Variants in MYO7B observed in about 807,000 individuals in gnomAD.
MYO7B encodes myosin VIIB.
MYO7B carries 212 observed loss-of-function variants against 259.7 expected under a neutral mutation model. That is an observed-to-expected ratio of 0.82 (90% confidence interval 0.73 to 0.91). The LOEUF is 0.91. MYO7B is among the 40% of genes least tolerant of loss of function. The pLI is 0.00. For missense variants in MYO7B, 2,732 were observed against 2,813.5 expected (o/e 0.97, Z 0.66); for synonymous variants, 1,197 against 1,166.4 (o/e 1.03, Z -0.54).
At chr2:127,551,272 G>A (rs1257564808) in intron 1 of MYO7B, among the ~76,000 whole-genome samples, 2 of 152,156 alleles carry the variant, frequency 1.3e-5, no homozygotes, top group African/African-American at 2.4e-5. Flanking sequence ...ATCCTAATCT[G>A]TTGTTGACTA....
intron 39 of MYO7B, 83 bp from the exon 40 acceptor site, chr2:127,633,174 AT>A (rs1328922228): frequency 6.6e-6 from 7 of 1,057,546 alleles, no homozygotes; most frequent in Non-Finnish European, 9.8e-6. Context: ...TTTCTGGCAC[AT>A]GGTTTAGGGC....
At position 127,611,792 on chromosome 2, in the gene MYO7B, C is replaced by T. The variant is rs142115672; in HGVS notation, c.3193-458C>T. ...TCCCTCCTACCTGGCCTCTCAACCCCGGCTCTTCGGATCCCCTGCAGAGCA... is the reference window on the plus strand; with the variant it reads ...TCCCTCCTACCTGGCCTCTCAACCCTGGCTCTTCGGATCCCCTGCAGAGCA... On this transcript the variant is annotated intron_variant, in intron 24 of 47. Transcript: ENST00000409816. The surrounding 1 kb of genome is among the most constrained non-coding windows in gnomAD (Gnocchi z 5.4). 3.3e-3 allele frequency among the ~76,000 whole-genome samples: 500 copies of T among 152,276 alleles called. 2 individuals carry two copies. The highest frequency in any genetic ancestry group is 0.011 in the African/African-American group (447 of 41,564).
At position 127,636,473 on chromosome 2, in the gene MYO7B, C is replaced by T; in HGVS notation, c.6124-72C>T. The T allele has an allele frequency of 6.7e-7, 1 of 1,494,350 alleles. No homozygotes were observed. 92.6% of individuals were successfully genotyped at this position (1,494,350 alleles called of 1,614,324 possible). A position where few individuals can be genotyped will look rare whatever the true frequency, so the allele number is the denominator to read the frequency against. The stretch of plus-strand genomic sequence containing the variant: ...GTGTATGTGTGTATGTGCGTGTGGC[C>T]TAGATGAGCTCCTGGGAGGTGCAGC... On this transcript the variant is annotated intron_variant, in intron 45 of 47. Coordinates refer to ENST00000409816, the MANE Select transcript of MYO7B (RefSeq NM_001393586.1). The surrounding 1 kb of genome is among the most constrained non-coding windows in gnomAD (Gnocchi z 4.5).
chr2:127,635,125 C>T lies in MYO7B; in HGVS notation c.5719C>T (p.Pro1907Ser). Residue 1907 changes from proline to serine, a missense_variant, in exon 43 of 48, where the codon CCC (proline) becomes TCC (serine). By Grantham distance (74) the Pro-to-Ser change is moderately conservative. Coordinates refer to ENST00000409816, the MANE Select transcript of MYO7B (RefSeq NM_001393586.1). ...KKNKPQKEGAPVTLPYQVYFM... is the reference protein window; with the variant it reads ...KKNKPQKEGASVTLPYQVYFM... ...CACTGCTGGCCCTCGCCCAGGGGCCCCCGTGACGCTCCCCTACCAGGTGTA... is the reference window on the plus strand; with the variant it reads ...CACTGCTGGCCCTCGCCCAGGGGCCTCCGTGACGCTCCCCTACCAGGTGTA... 9.9e-6 allele frequency: 16 copies of T among 1,611,962 alleles called. No homozygotes were observed. The highest frequency in any genetic ancestry group is 1.3e-5 in the Non-Finnish European group (15 of 1,179,238).
chr2:127,622,118 G>A lies in MYO7B; in HGVS notation c.3645+17G>A, dbSNP rs1474358075. On this transcript the variant is annotated intron_variant, in intron 28 of 47. Transcript: ENST00000409816. ...GAGCTGCAGGTAGGGGCTGGCAGGG[G>A]TGAGAGCGGGCAGGGTGGGGTGGTG... The A allele has an allele frequency of 3.9e-6, 6 of 1,545,754 alleles. No homozygotes were observed. The highest frequency in any genetic ancestry group is 3.9e-5 in the Admixed American group (2 of 50,768).
At chr2:127,617,957 TTTGCTAGTCC>T (rs1361665148) in intron 26 of MYO7B, among the ~76,000 whole-genome samples, 30 of 152,124 alleles carry the variant, frequency 2.0e-4, no homozygotes, top group South Asian at 4.2e-4. Flanking sequence ...TCTCCTAGTC[TTTGCTAGTCC>T]TTGCTAGTCT....
chr2:127,617,648 G>A (rs1383072095), intron 26 of MYO7B, among the ~76,000 whole-genome samples: 1 of 150,144 alleles, frequency 6.7e-6, no homozygotes, highest in Non-Finnish European at 1.5e-5. Context: ...GACTACAGGC[G>A]CCCGCCACCG....
rs779728741 is a variant in MYO7B, at chr2:127,623,231, C to G, written c.3675C>G (p.Ile1225Met). The G allele has an allele frequency of 1.2e-6, 2 of 1,613,654 alleles. No homozygotes were observed. Among genetic ancestry groups the G allele is most frequent in the South Asian group, 2.2e-5 (2 of 91,086 alleles). Residue 1225 changes from isoleucine to methionine, a missense_variant, in exon 29 of 48, where the codon ATC becomes ATG. Physicochemically the swap from Ile to Met is conservative, Grantham distance 10. This residue lies in a region of MYO7B where 1,906 missense variants were observed against 2,026.4 expected (regional missense o/e 0.94). Transcript: ENST00000409816. The stretch of plus-strand genomic sequence containing the variant: ...TCAAGTCCAAGAAGCACATCCCCAT[C>G]CAAGTCATCTTGGCCACTGGAGAGA... ...QAVKSKKHIP[I>M]QVILATGESL...
At chr2:127,633,113 C>T (rs1047069393) in intron 39 of MYO7B, 145 bp from the exon 40 acceptor site, 18 of 634,528 alleles carry the variant, frequency 2.8e-5, no homozygotes, top group African/African-American at 2.2e-4. Flanking sequence ...GCCCCCAGGA[C>T]ATGCGAGGGG....
rs548314152 is a variant in MYO7B at position 127,624,170 on chromosome 2, C to T, written c.3897C>T (p.Gly1299=). The change falls in exon 30 of 48, where the codon GGC becomes GGT. Residue 1299 remains glycine (G), a synonymous_variant. Transcript: ENST00000409816. Reference sequence around the variant, plus strand: ...GTGAGCAGATGGCCCAGGAGAGGGGCGAGAGCCAGCGCCAGTCACCCTGGC... The same window carrying T: ...GTGAGCAGATGGCCCAGGAGAGGGGTGAGAGCCAGCGCCAGTCACCCTGGC... The part of the protein sequence containing the change: ...ARCEQMAQER[G]ESQRQSPWRI... 8.1e-6 allele frequency: 13 copies of T among 1,596,502 alleles called. No individual in the cohort carries two copies. Among genetic ancestry groups the T allele is most frequent in the South Asian group, 4.5e-5 (4 of 87,922 alleles).
intron 1 of MYO7B, among the ~76,000 whole-genome samples, chr2:127,536,932 C>G (rs1222788065): frequency 6.6e-6 from 1 of 152,210 alleles, no homozygotes; most frequent in Non-Finnish European, 1.5e-5. Context: ...GCATCCACAG[C>G]TCTAGCACGG....
rs1312305508 is a variant in MYO7B at position 127,605,297 on chromosome 2, T to TA, written c.2340-540dup. Among the ~76,000 whole-genome samples the TA allele has an allele frequency of 1.3e-5, 2 of 152,092 alleles. 1 individual carries two copies. The highest frequency in any genetic ancestry group is 4.8e-5 in the African/African-American group (2 of 41,410). The stretch of plus-strand genomic sequence containing the variant: ...AATGAGGGAGAATTTTCTGATAACT[T>TA]AAAAAAACTGGACTGTTGGCTGGAC... On this transcript the variant is annotated intron_variant, in intron 19 of 47. Transcript: ENST00000409816.
In MYO7B at chr2:127,596,179, T is replaced by C. The variant is rs559248504; in HGVS notation, c.2245-283T>C. Among the ~76,000 whole-genome samples, 4 of 152,244 alleles carry C rather than the reference T, an allele frequency of 2.6e-5. No individual in the cohort carries two copies. In the South Asian group the frequency reaches 8.3e-4, roughly 32 times the overall value. ...GAAATAAAACACAACTTCAGGAAAATTTTGTGCCCCCTCTTGAATTCTTCA... is the reference window on the plus strand; with the variant it reads ...GAAATAAAACACAACTTCAGGAAAACTTTGTGCCCCCTCTTGAATTCTTCA... On this transcript the variant is annotated intron_variant, in intron 18 of 47. Transcript: ENST00000409816.
At position 127,614,489 on chromosome 2, in the gene MYO7B, A is replaced by G. The variant is rs1056175399; in HGVS notation, c.3398+1886A>G. Among the ~76,000 whole-genome samples, 2 of 152,142 alleles carry G rather than the reference A, an allele frequency of 1.3e-5. No homozygotes were observed. Among genetic ancestry groups the G allele is most frequent in the African/African-American group, 4.8e-5 (2 of 41,426 alleles). On this transcript the variant is annotated intron_variant, in intron 26 of 47. Coordinates refer to ENST00000409816, the MANE Select transcript of MYO7B (RefSeq NM_001393586.1). This position sits in a 1 kb window ranked among gnomAD's most constrained non-coding sequence, Gnocchi z 4.6. ...CATCAGGATGGGCTCAGAATTCTCC[A>G]GGAACAAGCAGGCGCTAATGTCTTT...
intron 14 of MYO7B, among the ~76,000 whole-genome samples, 155 bp from the exon 15 acceptor site, chr2:127,588,237 C>G (rs1679377947): frequency 6.6e-6 from 1 of 152,008 alleles, no homozygotes; most frequent in South Asian, 2.1e-4. Flanking sequence ...GGGGGCCATG[C>G]CTGGGTAGAG....
intron 37 of MYO7B, 113 bp from the exon 38 acceptor site, chr2:127,631,487 G>T: frequency 6.6e-7 from 1 of 1,519,936 alleles, no homozygotes; most frequent in Non-Finnish European, 8.9e-7. Context: ...ACCTGGAGTG[G>T]CGGGACAGAG....
In MYO7B at chr2:127,636,352, C is replaced by T. The variant is rs1681805313; in HGVS notation, c.6123+28C>T. ...AAACCTTGCCCCACGCCAGGGCCTC[C>T]TACCCAAGCAGGCTCCGCTCAGCCC... On this transcript the variant is annotated intron_variant, in intron 45 of 47. Coordinates refer to ENST00000409816, the MANE Select transcript of MYO7B (RefSeq NM_001393586.1). The surrounding 1 kb of genome is among the most constrained non-coding windows in gnomAD (Gnocchi z 4.5). 1.3e-6 allele frequency: 2 copies of T among 1,591,646 alleles called. No homozygotes were observed. Among genetic ancestry groups the T allele is most frequent in the Non-Finnish European group, 1.7e-6 (2 of 1,160,934 alleles).
intron 35 of MYO7B, among the ~76,000 whole-genome samples, 161 bp from the exon 36 acceptor site, chr2:127,630,617 G>T (rs986909803): frequency 1.3e-5 from 2 of 152,178 alleles, no homozygotes; most frequent in African/African-American, 4.8e-5. Flanking sequence ...TCATGGTCCT[G>T]GGTCACACGG....
Position 127,635,231 on chromosome 2 carries a change from C to T in MYO7B, c.5820+5C>T, listed in dbSNP as rs781534221. 5.5e-5 allele frequency: 88 copies of T among 1,610,114 alleles called. No homozygotes were observed. The East Asian group carries it at 7.8e-4, about 14-fold the overall frequency. Reference sequence around the variant, plus strand: ...ACCATACTCCATTACCACCAGGTACCGGGCAGGCTGCCCTGGTGGGCACTG... The same window carrying T: ...ACCATACTCCATTACCACCAGGTACTGGGCAGGCTGCCCTGGTGGGCACTG... On this transcript the variant is annotated splice_donor_5th_base_variant and intron_variant, in intron 43 of 47. Transcript: ENST00000409816.
Sources: allele counts gnomAD v4.1 joint callset (sites outside exome capture counted in the v4.1 genomes callset), GRCh38; gene constraint gnomAD v4.1.1; regional missense constraint gnomAD v4.1.1; non-coding constraint Gnocchi (gnomAD v3.1); transcripts MANE v1.5; gene names NCBI Gene and HGNC (gene_info 2026-07-23, HGNC 2026-07-21).